Variants in SMARCD1 observed in about 807,000 individuals in gnomAD.
The protein encoded by SMARCD1 is SWI/SNF related BAF chromatin remodeling complex subunit D1.
Under a neutral mutation model 70.8 loss-of-function variants are expected in SMARCD1, and 16 were observed. That is an observed-to-expected ratio of 0.23 (90% CI 0.15 to 0.34). The LOEUF (loss-of-function observed/expected upper bound fraction) is 0.34. Ranked by LOEUF, SMARCD1 falls within the 10% of genes least tolerant of loss-of-function variation. SMARCD1 has a pLI of 1.00. For missense variants in SMARCD1, 409 were observed against 655.5 expected, an observed-to-expected ratio of 0.62 and a Z score of 4.11; for synonymous variants, 249 against 246.0, an observed-to-expected ratio of 1.01 and a Z score of -0.11.
At position 50,090,421 on chromosome 12, in the gene SMARCD1, C is replaced by A; in HGVS notation, c.1035+19C>A. On this transcript the variant is annotated intron_variant, in intron 8 of 12. Transcript: ENST00000394963. ...GCAGCAGGTAAGTAATGGACCCATTCTTTTGCTAGAATCCATTAGAACACT... is the reference window on the plus strand; with the variant it reads ...GCAGCAGGTAAGTAATGGACCCATTATTTTGCTAGAATCCATTAGAACACT... 1 of 1,613,646 alleles carries A rather than the reference C, an allele frequency of 6.2e-7. No homozygotes were observed. The highest frequency in any genetic ancestry group is 8.5e-7 in the Non-Finnish European group (1 of 1,179,664).
At chr12:50,088,414 T>G (rs912572577) in intron 5 of SMARCD1, 107 bp from the exon 6 acceptor site, 5 of 703,922 alleles carry the variant, frequency 7.1e-6, no homozygotes, top group Middle Eastern at 4.9e-4. Context: ...CAGAAGATAT[T>G]TTTTGAGTTT....
intron 2 of SMARCD1, 29 bp downstream of exon 2, chr12:50,086,377 AGG>A: frequency 3.0e-6 from 2 of 659,352 alleles, no homozygotes; most frequent in Non-Finnish European, 5.6e-6. Context: ...AGAGGGAGGG[AGG>A]GAGGGAGCCT....
intron 11 of SMARCD1, among the ~76,000 whole-genome samples, chr12:50,097,952 A>G (rs1037925990): frequency 2.6e-5 from 4 of 151,706 alleles, no homozygotes; most frequent in Non-Finnish European, 5.9e-5. Context: ...GATGATTCAG[A>G]TAAGGGAGAT....
intron 6 of SMARCD1, 86 bp from the exon 7 acceptor site, chr12:50,089,798 T>C: frequency 1.1e-6 from 1 of 948,198 alleles, no homozygotes; most frequent in Non-Finnish European, 1.7e-6. Context: ...TAATCAAAGT[T>C]GAATATTCAG....
chr12:50,085,740 C>T (rs556264672), intron 1 of SMARCD1, 194 bp downstream of exon 1: 49 of 453,224 alleles, frequency 1.1e-4, no homozygotes, highest in Middle Eastern at 1.2e-3. Context: ...GCATTGTTTC[C>T]CTGGGGAGTC....
At chr12:50,085,571 C>T in intron 1 of SMARCD1, 25 bp downstream of exon 1, 2 of 1,055,260 alleles carry the variant, frequency 1.9e-6, no homozygotes, top group Non-Finnish European at 2.3e-6. Context: ...AGGAGGGGCG[C>T]GCGGGCCGGG....
rs61560134 is a variant in SMARCD1 at position 50,086,479 on chromosome 12, T to TTGGTGGTGGTAGTGGTGGTGGTGG, written c.366-132_366-131insAGTGGTGGTGGTGGTGGTGGTGGT. On this transcript the variant is annotated intron_variant, in intron 2 of 12. Coordinates refer to ENST00000394963, the MANE Select transcript of SMARCD1 (RefSeq NM_003076.5). Reference sequence around the variant, plus strand: ...CTACAGAACTCATCCTTGAGAATGCTTGGTGGTGGTGGTGGTGGTGGTAGT... The same window carrying TTGGTGGTGGTAGTGGTGGTGGTGG: ...CTACAGAACTCATCCTTGAGAATGCTTGGTGGTGGTAGTGGTGGTGGTGGTGGTGGTGGTGGTGGTGGTGGTAGT... 3.0e-3 allele frequency: 2,355 copies of TTGGTGGTGGTAGTGGTGGTGGTGG among 781,646 alleles called. 35 individuals are homozygous for TTGGTGGTGGTAGTGGTGGTGGTGG. Among genetic ancestry groups the TTGGTGGTGGTAGTGGTGGTGGTGG allele is most frequent in the South Asian group, 0.026 (1,516 of 59,410 alleles). The allele number at this position is 781,646 out of a possible 1,614,324, so 48.4% of individuals were successfully genotyped here. A position where few individuals can be genotyped will look rare whatever the true frequency, so the allele number is the denominator to read the frequency against.
intron 10 of SMARCD1, 151 bp from the exon 11 acceptor site, chr12:50,096,699 C>T (rs1421209168): frequency 1.3e-5 from 8 of 616,166 alleles, no homozygotes; most frequent in Non-Finnish European, 2.2e-5. Flanking sequence ...TGCCAAGGGT[C>T]GGAGCAGTTG....
intron 10 of SMARCD1, among the ~76,000 whole-genome samples, chr12:50,095,323 A>G (rs770204108): frequency 6.6e-6 from 1 of 151,912 alleles, no homozygotes; most frequent in Non-Finnish European, 1.5e-5. Context: ...TGCCCCAACT[A>G]AATCTTTTCT....
intron 9 of SMARCD1, among the ~76,000 whole-genome samples, chr12:50,093,141 A>T (rs1592291501): frequency 6.6e-6 from 1 of 151,614 alleles, no homozygotes; most frequent in Non-Finnish European, 1.5e-5. Context: ...GCGCCACTGC[A>T]CTCCAGCATA....
intron 4 of SMARCD1, among the ~76,000 whole-genome samples, chr12:50,087,097 G>C (rs1950798789): frequency 6.6e-6 from 1 of 152,186 alleles, no homozygotes; most frequent in Non-Finnish European, 1.5e-5. Context: ...ATATACCCTT[G>C]TCCATGTTTT....
In SMARCD1 at chr12:50,088,363, C is replaced by T. The variant is rs189973070; in HGVS notation, c.655-158C>T. The T allele has an allele frequency of 1.5e-4, 104 of 688,018 alleles. No individual in the cohort carries two copies. In the African/African-American group the frequency reaches 1.8e-3, roughly 12 times the overall value. 42.6% of individuals were successfully genotyped at this position (688,018 alleles called of 1,614,324 possible). ...TGTTGCTACTATGATTGGTTTAATA[C>T]CTGCAGATGCCTACTTTGCCTATCT... is the stretch of plus-strand genomic sequence containing the variant. On this transcript the variant is annotated intron_variant, in intron 5 of 12. Coordinates refer to ENST00000394963, the MANE Select transcript of SMARCD1 (RefSeq NM_003076.5).
Position 50,098,835 on chromosome 12 carries a change from G to T in SMARCD1, c.1494+20G>T. On this transcript the variant is annotated intron_variant, in intron 12 of 12. Transcript: ENST00000394963. ...TCCAAGGTAAGTACATGGGGTGCACGGGGGAAATTGACAAAAGGCACGGGG... is the reference window on the plus strand; with the variant it reads ...TCCAAGGTAAGTACATGGGGTGCACTGGGGAAATTGACAAAAGGCACGGGG... 1.2e-6 allele frequency: 2 copies of T among 1,609,616 alleles called. No individual in the cohort carries two copies. Among genetic ancestry groups the T allele is most frequent in the Non-Finnish European group, 1.7e-6 (2 of 1,175,862 alleles).
chr12:50,089,848 C>T lies in SMARCD1; in HGVS notation c.772-36C>T, dbSNP rs113742047. The T allele has an allele frequency of 1.7e-3, 2,406 of 1,451,814 alleles. 5 individuals carry two copies. The highest frequency in any genetic ancestry group is 1.9e-3 in the Non-Finnish European group (1,977 of 1,034,030). 89.9% of individuals were successfully genotyped at this position (1,451,814 alleles called of 1,614,324 possible). Reference sequence around the variant, plus strand: ...CTTCCCTCCCACCCCAGCTCTTCCTCTGGGAGAGCACCCCCTGACATCTTC... The same window carrying T: ...CTTCCCTCCCACCCCAGCTCTTCCTTTGGGAGAGCACCCCCTGACATCTTC... On this transcript the variant is annotated intron_variant, in intron 6 of 12. Transcript: ENST00000394963.
At position 50,091,352 on chromosome 12, in the gene SMARCD1, C is replaced by T. The variant is rs953087637; in HGVS notation, c.1133+762C>T. Reference sequence around the variant, plus strand: ...GTGCAATGGCACAATGTTGGCTCACCGTAACCTCTGCCTACTGGGTTCAAG... The same window carrying T: ...GTGCAATGGCACAATGTTGGCTCACTGTAACCTCTGCCTACTGGGTTCAAG... On this transcript the variant is annotated intron_variant, in intron 9 of 12. Coordinates refer to ENST00000394963, the MANE Select transcript of SMARCD1 (RefSeq NM_003076.5). 4.0e-5 allele frequency among the ~76,000 whole-genome samples: 6 copies of T among 151,394 alleles called. No homozygotes were observed. The East Asian group carries it at 5.9e-4, about 15-fold the overall frequency.
In SMARCD1 at chr12:50,089,677, TCAAC is replaced by T. The variant is rs1468877146; in HGVS notation, c.772-204_772-201del. On this transcript the variant is annotated intron_variant, in intron 6 of 12. Transcript: ENST00000394963. Reference sequence around the variant, plus strand: ...CACTGGACATTGAGGCTTATTTAAATCAACCACAAACAATTAAAAGGTTAATCTA... The same window carrying T: ...CACTGGACATTGAGGCTTATTTAAATCACAAACAATTAAAAGGTTAATCTA... Among the ~76,000 whole-genome samples, 5 of 152,376 alleles carry T rather than the reference TCAAC, an allele frequency of 3.3e-5. 1 individual carries two copies. The East Asian group carries it at 9.6e-4, about 29-fold the overall frequency.
intron 9 of SMARCD1, among the ~76,000 whole-genome samples, chr12:50,092,457 C>T (rs73299563): frequency 0.036 from 5,365 of 149,708 alleles, 321 homozygotes; most frequent in African/African-American, 0.12. Context: ...CTCTTGGTCA[C>T]GTGATCCACC....
intron 4 of SMARCD1, 126 bp downstream of exon 4, chr12:50,087,004 C>A: frequency 1.0e-6 from 1 of 956,526 alleles, no homozygotes; most frequent in Non-Finnish European, 1.6e-6. Flanking sequence ...CTCTCCCTTC[C>A]GCCTACAAAC....
chr12:50,086,550 C>A, intron 2 of SMARCD1, 71 bp from the exon 3 acceptor site: 1 of 1,468,962 alleles, frequency 6.8e-7, no homozygotes, highest in Non-Finnish European at 9.5e-7. Context: ...TATAAATGGA[C>A]GTGCTGACAG....
Sources: gnomAD v4.1 joint callset for allele counts (sites outside exome capture counted in the v4.1 genomes callset) on GRCh38, gnomAD v4.1.1 for gene constraint, MANE v1.5 for transcripts, NCBI Gene and HGNC (gene_info 2026-07-23, HGNC 2026-07-21) for gene names.